The following MAP4 variants were observed in gnomAD, a reference collection of about 807,000 sequenced individuals.
MAP4 encodes microtubule-associated protein 4.
In MAP4, 76 loss-of-function variants were observed where a neutral mutation model predicts 170.2. That is an observed-to-expected ratio of 0.45 (90% CI 0.37 to 0.54). MAP4 has a LOEUF of 0.54. Among genes scored for constraint, MAP4 ranks in the 20% least tolerant of loss-of-function variants. MAP4 has a pLI of 0.00. For synonymous variants in MAP4, 909 were observed against 994.5 expected (o/e 0.91, Z 1.62); for missense variants, 2,506 against 2,748.0 (o/e 0.91, Z 1.97).
At chr3:47,908,989 C>T in intron 9 of MAP4, 49 bp downstream of exon 9, 1 of 1,558,516 alleles carries the variant, frequency 6.4e-7, no homozygotes, top group South Asian at 1.2e-5. Flanking sequence ...CTTTCTGATG[C>T]TGACTCAAAA....
At chr3:47,907,599 C>T (rs1325406082) in intron 9 of MAP4, among the ~76,000 whole-genome samples, 1 of 152,196 alleles carries the variant, frequency 6.6e-6, no homozygotes, top group East Asian at 1.9e-4. Flanking sequence ...AAAAGTTCTG[C>T]AGTACTGGTC....
intron 8 of MAP4, among the ~76,000 whole-genome samples, chr3:47,913,266 G>A (rs1021601067): frequency 2.6e-5 from 4 of 152,124 alleles, no homozygotes; most frequent in Non-Finnish European, 5.9e-5. Context: ...GTATATGCCA[G>A]CTCCTGTCAA....
Position 48,081,305 on chromosome 3 carries a change from A to AAAAT in MAP4, c.-20+7464_-20+7467dup, listed in dbSNP as rs1040860757. Among the ~76,000 whole-genome samples, 229 of 151,702 alleles carry AAAAT rather than the reference A, an allele frequency of 1.5e-3. 2 individuals are homozygous for AAAAT. Among genetic ancestry groups the AAAAT allele is most frequent in the African/African-American group, 3.1e-3 (127 of 41,452 alleles). On this transcript the variant is annotated intron_variant, in intron 1 of 18. Transcript: ENST00000360240. ...TCCATCTCAAAAAAAATAAATAAAT[A>AAAAT]AAATAAATAAATAAATAAATAAATA... is the stretch of plus-strand genomic sequence containing the variant.
intron 9 of MAP4, among the ~76,000 whole-genome samples, chr3:47,903,532 CAA>C (rs983850258): frequency 2.7e-4 from 15 of 55,978 alleles, no homozygotes; most frequent in Non-Finnish European, 2.7e-4. Flanking sequence ...GACTCCGTCT[CAA>C]AAAAAAAAAA....
At chr3:47,943,064 G>A (rs1309934046) in intron 3 of MAP4, among the ~76,000 whole-genome samples, 1 of 152,062 alleles carries the variant, frequency 6.6e-6, no homozygotes. Flanking sequence ...AGTGAGCTAT[G>A]ATAGAACCAC....
intron 1 of MAP4, among the ~76,000 whole-genome samples, chr3:48,086,098 A>G: frequency 6.7e-6 from 1 of 150,242 alleles, no homozygotes; most frequent in South Asian, 2.1e-4. Context: ...ATGTGTGTAT[A>G]TATATGTATA....
At position 47,889,970 on chromosome 3, in the gene MAP4, T is replaced by C. The variant is rs139216832; in HGVS notation, c.5435-12447A>G. ...AAACCCAAAACATCTGTATGTCTTC[T>C]ACTTACCACTCCCCTAGAAAATACC... is the stretch of plus-strand genomic sequence containing the variant. On this transcript the variant is annotated intron_variant, in intron 10 of 20. Coordinates refer to ENST00000683076, the MANE Select transcript of MAP4 (RefSeq NM_001385682.1). Among the ~76,000 whole-genome samples the C allele has an allele frequency of 2.8e-4, 43 of 151,844 alleles. 1 individual carries two copies. Among genetic ancestry groups the C allele is most frequent in the African/African-American group, 1.0e-3 (43 of 41,506 alleles).
intron 5 of MAP4, among the ~76,000 whole-genome samples, chr3:47,919,373 T>A (rs1450462190): frequency 6.6e-6 from 1 of 152,052 alleles, no homozygotes; most frequent in East Asian, 1.9e-4. Flanking sequence ...AATGGCACGA[T>A]CTCGGCTCGC....
chr3:47,909,603 T>C lies in MAP4; in HGVS notation c.4818A>G (p.Pro1606=). 1 of 1,613,536 alleles carries C rather than the reference T, an allele frequency of 6.2e-7. No individual in the cohort carries two copies. Among genetic ancestry groups the C allele is most frequent in the Non-Finnish European group, 8.5e-7 (1 of 1,179,874 alleles). The part of the protein sequence containing the change: ...YADRGNFPAH[P]VNEEKETKEG... Reference sequence around the variant, plus strand: ...CTTTAGTCTCTTTCTCTTCATTCACTGGATGTGCTGGGAAATTACCTCTAT... The same window carrying C: ...CTTTAGTCTCTTTCTCTTCATTCACCGGATGTGCTGGGAAATTACCTCTAT... The change falls in exon 9 of 21, where the codon CCA becomes CCG. Residue 1606 remains proline (P), a synonymous_variant. Coordinates refer to ENST00000683076, the MANE Select transcript of MAP4 (RefSeq NM_001385682.1).
intron 2 of MAP4, among the ~76,000 whole-genome samples, chr3:47,982,845 A>G (rs1432471231): frequency 6.6e-6 from 1 of 151,812 alleles, no homozygotes; most frequent in East Asian, 1.9e-4. Flanking sequence ...AAAGTCTTAA[A>G]AGATCTACCC....
chr3:47,925,287 A>T (rs1416768912), intron 4 of MAP4, among the ~76,000 whole-genome samples: 4 of 152,172 alleles, frequency 2.6e-5, no homozygotes, highest in Non-Finnish European at 4.4e-5. Context: ...ACCACACTCA[A>T]CTTTCCGCTG....
intron 1 of MAP4, among the ~76,000 whole-genome samples, chr3:48,040,254 ATAT>A (rs940065231): frequency 6.6e-5 from 10 of 152,040 alleles, no homozygotes; most frequent in African/African-American, 2.2e-4. Context: ...TGACAAAATC[ATAT>A]TATTTATTTT....
intron 1 of MAP4, among the ~76,000 whole-genome samples, chr3:48,002,136 T>C (rs1219210118): frequency 6.6e-6 from 1 of 151,264 alleles, no homozygotes; most frequent in East Asian, 1.9e-4. Flanking sequence ...TTCCAAGCTA[T>C]AGTGTGCAAT....
chr3:47,854,012 G>A (rs950366450), intron 19 of MAP4, among the ~76,000 whole-genome samples: 1 of 152,234 alleles, frequency 6.6e-6, no homozygotes, highest in Admixed American at 6.5e-5. Flanking sequence ...GAGAACAGCT[G>A]CGAGAGGCCA....
chr3:47,979,495 G>A (rs1272599145), intron 2 of MAP4, among the ~76,000 whole-genome samples: 3 of 151,994 alleles, frequency 2.0e-5, no homozygotes, highest in Non-Finnish European at 2.9e-5. Flanking sequence ...TCTCTCTGTC[G>A]CCCAGGCTGG....
At chr3:48,026,630 A>G (rs1288212277) in intron 1 of MAP4, among the ~76,000 whole-genome samples, 1 of 152,194 alleles carries the variant, frequency 6.6e-6, no homozygotes, top group African/African-American at 2.4e-5. Context: ...CTGAAATCTT[A>G]TCTCCAAATA....
chr3:47,966,116 G>T (rs1021758350), intron 3 of MAP4, among the ~76,000 whole-genome samples: 1 of 151,666 alleles, frequency 6.6e-6, no homozygotes, highest in Non-Finnish European at 1.5e-5. Context: ...TGTCTCCCAG[G>T]GTGAATGCAG....
intron 1 of MAP4, among the ~76,000 whole-genome samples, chr3:48,023,172 T>C (rs1348667395): frequency 1.3e-5 from 2 of 151,832 alleles, no homozygotes; most frequent in Non-Finnish European, 2.9e-5. Context: ...AAAGGTGCAA[T>C]TAAAAACAGG....
intron 13 of MAP4, 35 bp from the exon 14 acceptor site, chr3:47,871,321 C>T: frequency 1.3e-6 from 2 of 1,509,536 alleles, no homozygotes; most frequent in African/African-American, 1.4e-5. Context: ...TAACATTTAA[C>T]AAACTGACCT....
Sources: gnomAD v4.1 joint callset for allele counts (sites outside exome capture counted in the v4.1 genomes callset) on GRCh38, gnomAD v4.1.1 for gene constraint, MANE v1.5 for transcripts, NCBI Gene and HGNC (gene_info 2026-07-23, HGNC 2026-07-21) for gene names.